ZNF469: variants seen among roughly 807,000 people sequenced by gnomAD.
ZNF469 encodes zinc finger protein 469.
Under a neutral mutation model 1.0 loss-of-function variants are expected in ZNF469, and 1 was observed. The ratio of observed to expected loss-of-function variants is 1.00; its 90% CI spans 0.35 to 4.73. ZNF469 has a LOEUF of 4.73. Ranked by LOEUF, ZNF469 falls within the 30% of genes most tolerant of loss-of-function variation. The pLI, the probability that ZNF469 is intolerant of heterozygous loss-of-function variation, is 0.16. For synonymous variants in ZNF469, 2,703 were observed against 2,363.4 expected (o/e 1.14, Z -4.17); for missense variants, 6,100 against 5,356.3 (o/e 1.14, Z -4.33).
chr16:88,326,282 G>A, the ZNF469 span, among the ~76,000 whole-genome samples: 1 of 152,192 alleles, frequency 6.6e-6, no homozygotes, highest in African/African-American at 2.4e-5. Flanking sequence ...GAGTTTCTCT[G>A]CACAAACTCA....
the ZNF469 span, among the ~76,000 whole-genome samples, chr16:88,158,513 T>C: frequency 1.3e-5 from 2 of 152,054 alleles, no homozygotes; most frequent in African/African-American, 4.8e-5. Context: ...ACCTTGAACT[T>C]GGGCACATGC....
At chr16:88,406,573 C>T (rs1047162996) in intron 1 of ZNF469, among the ~76,000 whole-genome samples, 1 of 152,170 alleles carries the variant, frequency 6.6e-6, no homozygotes, top group African/African-American at 2.4e-5. Flanking sequence ...GCTGTCCCTG[C>T]CCAGGGTGAG....
chr16:88,248,739 G>T, the ZNF469 span, among the ~76,000 whole-genome samples: 3 of 152,204 alleles, frequency 2.0e-5, no homozygotes, highest in African/African-American at 4.8e-5. Context: ...CCCCCACATT[G>T]CAGATGACGA....
chr16:88,434,775 G>A lies in ZNF469; in HGVS notation c.7305G>A (p.Gln2435=). The change falls in exon 3 of 3, where the codon CAG becomes CAA. Residue 2435 remains glutamine (Q), a synonymous_variant. Coordinates refer to ENST00000565624, the MANE Select transcript of ZNF469 (RefSeq NM_001367624.2). ...GAAATGCCTCCCACCAGACTCCCCA[G>A]GGGGACCCCCTCGGCCCCCAAGACC... ...SHRNASHQTP[Q]GDPLGPQDLK... is the part of the protein sequence containing the mutation. 1 of 1,550,344 alleles carries A rather than the reference G, an allele frequency of 6.5e-7. No homozygotes were observed. Among genetic ancestry groups the A allele is most frequent in the Non-Finnish European group, 8.7e-7 (1 of 1,146,964 alleles).
the ZNF469 span, among the ~76,000 whole-genome samples, chr16:88,220,754 G>A: frequency 1.4e-4 from 22 of 152,104 alleles, no homozygotes; most frequent in African/African-American, 2.9e-4. Flanking sequence ...CTGAGCCACC[G>A]TATAGCACAG....
chr16:88,372,811 C>T, the ZNF469 span, among the ~76,000 whole-genome samples: 1 of 145,938 alleles, frequency 6.9e-6, no homozygotes, highest in Non-Finnish European at 1.6e-5. Flanking sequence ...CCATCATTAC[C>T]ACCATCATCA....
At chr16:88,365,833 C>T in the ZNF469 span, among the ~76,000 whole-genome samples, 12 of 152,194 alleles carry the variant, frequency 7.9e-5, no homozygotes, top group African/African-American at 1.2e-4. Context: ...ATGGCAGAGG[C>T]AATGCCGCCA....
At chr16:88,199,544 T>C in the ZNF469 span, among the ~76,000 whole-genome samples, 2 of 152,190 alleles carry the variant, frequency 1.3e-5, no homozygotes, top group Non-Finnish European at 1.5e-5. Flanking sequence ...GTGCCCTTGC[T>C]CCCAGCCCGC....
At chr16:88,230,002 GC>G in the ZNF469 span, among the ~76,000 whole-genome samples, 2 of 152,166 alleles carry the variant, frequency 1.3e-5, no homozygotes, top group Non-Finnish European at 1.5e-5. Context: ...CTTTCTCAGG[GC>G]CCTTTCTGTC....
At chr16:88,303,890 A>G in the ZNF469 span, among the ~76,000 whole-genome samples, 2 of 152,130 alleles carry the variant, frequency 1.3e-5, no homozygotes, top group Non-Finnish European at 2.9e-5. Flanking sequence ...ACTCAGTGCC[A>G]CACACTCAGT....
chr16:88,282,563 A>G, the ZNF469 span, among the ~76,000 whole-genome samples: 12 of 152,154 alleles, frequency 7.9e-5, no homozygotes, highest in Non-Finnish European at 1.8e-4. Context: ...GCCAACATGC[A>G]CAGAGGGGAG....
In ZNF469 at chr16:88,432,618, CCCCCAAGATGTCT is replaced by C; in HGVS notation, c.5149_5161del (p.Pro1717AlafsTer18). On this transcript the variant is annotated frameshift_variant, in exon 3 of 3. Transcript: ENST00000565624. LOFTEE classifies it low-confidence loss of function (END_TRUNC). ...GCCAGGCAGAAGGAGACAGCAGGCC[CCCCCAAGATGTCT>C]GCCTGCCTGAGCCCAGCAAGCAGCC... The C allele has an allele frequency of 6.4e-7, 1 of 1,550,408 alleles. No individual in the cohort carries two copies. Among genetic ancestry groups the C allele is most frequent in the Non-Finnish European group, 8.7e-7 (1 of 1,146,984 alleles).
chr16:88,296,946 A>G, the ZNF469 span, among the ~76,000 whole-genome samples: 4 of 152,224 alleles, frequency 2.6e-5, no homozygotes, highest in Admixed American at 1.3e-4. Flanking sequence ...ATTTCGGTGC[A>G]GGCTGGATCA....
the ZNF469 span, among the ~76,000 whole-genome samples, chr16:88,269,492 C>A: frequency 6.6e-6 from 1 of 152,104 alleles, no homozygotes; most frequent in Admixed American, 6.5e-5. Flanking sequence ...CAATCCTCAT[C>A]TTTATTTTTA....
At position 88,429,300 on chromosome 16, in the gene ZNF469, G is replaced by A. The variant is rs867046582; in HGVS notation, c.1830G>A (p.Pro610=). 1.8e-5 allele frequency: 28 copies of A among 1,549,736 alleles called. No individual in the cohort carries two copies. Among genetic ancestry groups the A allele is most frequent in the Middle Eastern group, 3.3e-4 (2 of 6,012 alleles). ...GCAGCACCTGCTCTTCCCTGTCGCCGATGTCCAGCAGCCCAGCCAACCCCA... is the reference window on the plus strand; with the variant it reads ...GCAGCACCTGCTCTTCCCTGTCGCCAATGTCCAGCAGCCCAGCCAACCCCA... ...TAGSTCSSLS[P]MSSSPANPSS... Residue 610 remains proline, a synonymous_variant, in exon 3 of 3, where the codon CCG becomes CCA. Transcript: ENST00000565624.
intron 1 of ZNF469, among the ~76,000 whole-genome samples, chr16:88,403,212 G>A (rs546894054): frequency 9.2e-5 from 14 of 152,380 alleles, no homozygotes; most frequent in African/African-American, 2.6e-4. Flanking sequence ...GCTGTGTTCC[G>A]CAGGGTGGCC....
the ZNF469 span, among the ~76,000 whole-genome samples, chr16:88,319,822 C>G: frequency 2.0e-5 from 3 of 152,346 alleles, no homozygotes; most frequent in Admixed American, 6.5e-5. Flanking sequence ...AGGTGGGACC[C>G]TGACTCTGGT....
the ZNF469 span, among the ~76,000 whole-genome samples, chr16:88,140,354 G>A: frequency 1.5e-4 from 23 of 151,446 alleles, no homozygotes; most frequent in African/African-American, 4.1e-4. Context: ...AAAGGAGGAC[G>A]GAGCCACGTA....
At chr16:88,146,440 T>C in the ZNF469 span, among the ~76,000 whole-genome samples, 88 of 152,268 alleles carry the variant, frequency 5.8e-4, no homozygotes, top group Non-Finnish European at 9.4e-4. Context: ...CCTTCTTCCC[T>C]GTGGACCCGG....
Sources: allele counts gnomAD v4.1 joint callset (sites outside exome capture counted in the v4.1 genomes callset), GRCh38; gene constraint gnomAD v4.1.1; transcripts MANE v1.5; gene names NCBI Gene and HGNC (gene_info 2026-07-23, HGNC 2026-07-21).